FRMD4B: variants seen among roughly 807,000 people sequenced by gnomAD.
FRMD4B encodes FERM domain containing 4B.
FRMD4B carries 74 observed loss-of-function variants against 141.5 expected under a neutral mutation model. The ratio of observed to expected loss-of-function variants is 0.52; its 90% confidence interval spans 0.43 to 0.63. The LOEUF (loss-of-function observed/expected upper bound fraction) is 0.63, where lower values mean the gene tolerates loss of function less well. Ranked by LOEUF, FRMD4B falls within the 30% of genes least tolerant of loss-of-function variation. The pLI is 0.00. For missense variants in FRMD4B, 1,366 were observed against 1,253.4 expected, an observed-to-expected ratio of 1.09 and a Z score of -1.36; for synonymous variants, 506 against 467.9, an observed-to-expected ratio of 1.08 and a Z score of -1.05.
chr3:69,515,244 C>T (rs1700736209), intron 1 of FRMD4B, among the ~76,000 whole-genome samples: 1 of 152,140 alleles, frequency 6.6e-6, no homozygotes, highest in Non-Finnish European at 1.5e-5. Flanking sequence ...TGGTGCTAAC[C>T]ATTCATGAGA....
intron 1 of FRMD4B, among the ~76,000 whole-genome samples, chr3:69,376,326 A>G (rs1703970093): frequency 6.6e-6 from 1 of 152,124 alleles, no homozygotes; most frequent in South Asian, 2.1e-4. Flanking sequence ...TTTTCCCTAT[A>G]TTACCTTTTA....
At chr3:69,350,945 C>T (rs1189988451) in intron 1 of FRMD4B, among the ~76,000 whole-genome samples, 2 of 151,890 alleles carry the variant, frequency 1.3e-5, no homozygotes, top group African/African-American at 4.8e-5. Context: ...CAAACCTGCA[C>T]ATTGTGCACA....
chr3:69,477,535 T>C (rs973444833), intron 1 of FRMD4B, among the ~76,000 whole-genome samples: 3,686 of 151,768 alleles, frequency 0.024, 164 homozygotes, highest in African/African-American at 0.084. Flanking sequence ...GAACCAGCCT[T>C]GCATCCCAGG....
At chr3:69,512,420 C>G (rs1476834295) in intron 1 of FRMD4B, among the ~76,000 whole-genome samples, 2 of 152,158 alleles carry the variant, frequency 1.3e-5, no homozygotes, top group Non-Finnish European at 2.9e-5. Flanking sequence ...GGCTAAGCTA[C>G]TATAACAAAG....
At chr3:69,452,825 T>G (rs1376260837) in intron 1 of FRMD4B, among the ~76,000 whole-genome samples, 1 of 152,208 alleles carries the variant, frequency 6.6e-6, no homozygotes, top group African/African-American at 2.4e-5. Context: ...ACATGTATAA[T>G]TTTCAGATTT....
chr3:69,361,532 T>C (rs1000122015), intron 1 of FRMD4B, among the ~76,000 whole-genome samples: 2 of 152,196 alleles, frequency 1.3e-5, no homozygotes, highest in Non-Finnish European at 2.9e-5. Context: ...ACAACCACTA[T>C]TCAGATTTCT....
rs769439616 is a variant in FRMD4B at position 69,187,783 on chromosome 3, T to A, written c.1906A>T (p.Thr636Ser). The change falls in exon 19 of 23, where the codon ACC (threonine) becomes TCC (serine). Residue 636 changes from threonine (T) to serine (S), a missense_variant. Coordinates refer to ENST00000398540, the MANE Select transcript of FRMD4B (RefSeq NM_015123.3). ...KSSINEQFVD[T>S]RQSREMLSTH... ...ATGACCTCTCACCTGGACTGCCTGG[T>A]ATCCACAAACTGTTCATTGATGGAC... is the stretch of plus-strand genomic sequence containing the variant. The A allele has an allele frequency of 1.9e-5, 30 of 1,612,162 alleles. No individual in the cohort carries two copies. The African/African-American group carries it at 2.9e-4, about 16-fold the overall frequency.
chr3:69,234,050 C>T (rs1162311217), intron 7 of FRMD4B, among the ~76,000 whole-genome samples: 1 of 151,620 alleles, frequency 6.6e-6, no homozygotes, highest in Non-Finnish European at 1.5e-5. Context: ...AGTTCCAGAC[C>T]AGCCTGGCCA....
intron 5 of FRMD4B, among the ~76,000 whole-genome samples, chr3:69,252,536 G>A (rs2093469711): frequency 6.6e-6 from 1 of 152,034 alleles, no homozygotes; most frequent in South Asian, 2.1e-4. Context: ...AGAAATCCCG[G>A]GCAACAAATT....
chr3:69,533,622 G>A (rs554308825), intron 1 of FRMD4B, among the ~76,000 whole-genome samples: 5 of 152,306 alleles, frequency 3.3e-5, no homozygotes, highest in Admixed American at 6.5e-5. Flanking sequence ...GATTCTCTGC[G>A]TTAATCAGAT....
At chr3:69,196,185 A>T in intron 14 of FRMD4B, 70 bp downstream of exon 14, 1 of 1,170,564 alleles carries the variant, frequency 8.5e-7, no homozygotes, top group Non-Finnish European at 1.2e-6. Flanking sequence ...ATGAATTTCG[A>T]AGTGGTTTAT....
chr3:69,197,101 C>T (rs551887697), intron 12 of FRMD4B, 63 bp from the exon 13 acceptor site: 6 of 1,382,896 alleles, frequency 4.3e-6, no homozygotes, highest in African/African-American at 1.4e-5. Context: ...CAAAATGTAC[C>T]CTGCGAGCAG....
At chr3:69,204,954 C>A (rs1160944094) in intron 11 of FRMD4B, among the ~76,000 whole-genome samples, 4 of 150,450 alleles carry the variant, frequency 2.7e-5, no homozygotes, top group African/African-American at 9.8e-5. Context: ...GATATTGATA[C>A]TTAAATACTG....
chr3:69,472,932 T>C (rs1428719362), intron 1 of FRMD4B, among the ~76,000 whole-genome samples: 1 of 117,018 alleles, frequency 8.5e-6, no homozygotes, highest in East Asian at 2.6e-4. Flanking sequence ...TTTCTTTTTT[T>C]TTTTTCTTTT....
chr3:69,245,345 G>GTT (rs1363513277), intron 7 of FRMD4B, among the ~76,000 whole-genome samples: 3 of 150,760 alleles, frequency 2.0e-5, no homozygotes, highest in African/African-American at 7.4e-5. Context: ...GTGTGTGTGT[G>GTT]TGTGTGTGTT....
At chr3:69,454,946 G>T (rs542155014) in intron 1 of FRMD4B, among the ~76,000 whole-genome samples, 1 of 152,308 alleles carries the variant, frequency 6.6e-6, no homozygotes, top group African/African-American at 2.4e-5. Context: ...TTGTGTATGC[G>T]CCCATCAGCA....
intron 1 of FRMD4B, among the ~76,000 whole-genome samples, chr3:69,533,021 T>C (rs1054390481): frequency 1.3e-5 from 2 of 152,244 alleles, no homozygotes; most frequent in African/African-American, 4.8e-5. Context: ...CTCCTCACTG[T>C]GACAACACAT....
In FRMD4B at chr3:69,328,137, C is replaced by T. The variant is rs77192992; in HGVS notation, c.163-14620G>A. 7.2e-5 allele frequency among the ~76,000 whole-genome samples: 11 copies of T among 152,290 alleles called. No individual in the cohort carries two copies. In the East Asian group the frequency reaches 2.1e-3, roughly 29 times the overall value. On this transcript the variant is annotated intron_variant, in intron 1 of 22. Transcript: ENST00000398540. ...TGGAGAGCTGGCTCTTGGCCACTCA[C>T]GAAAGCCCACTGTCCCATTTTCAAG...
intron 4 of FRMD4B, among the ~76,000 whole-genome samples, chr3:69,293,221 C>T (rs992605651): frequency 6.6e-6 from 1 of 152,080 alleles, no homozygotes; most frequent in East Asian, 1.9e-4. Context: ...AGTGGCTGTC[C>T]TTTGAAGAGT....
Sources: allele counts gnomAD v4.1 joint callset (sites outside exome capture counted in the v4.1 genomes callset), GRCh38; gene constraint gnomAD v4.1.1; transcripts MANE v1.5; gene names NCBI Gene and HGNC (gene_info 2026-07-23, HGNC 2026-07-21).